The following SPMAP2L variants were observed in gnomAD, a reference collection of about 807,000 sequenced individuals.
The protein encoded by SPMAP2L is sperm microtubule associated protein 2-like.
chr4:56,607,149 CA>C, the SPMAP2L span, among the ~76,000 whole-genome samples: 300 of 152,202 alleles, frequency 2.0e-3, 12 homozygotes, highest in East Asian at 0.047. Context: ...ATCCTCAATG[CA>C]ATAGTATTCA....
At chr4:56,573,035 T>A in the SPMAP2L span, among the ~76,000 whole-genome samples, 1 of 149,100 alleles carries the variant, frequency 6.7e-6, no homozygotes, top group Non-Finnish European at 1.5e-5. Context: ...AAAAAAAAAA[T>A]TTGAGTACCT....
the SPMAP2L span, among the ~76,000 whole-genome samples, chr4:56,618,556 A>AAAAAGAAAAGCCCCTC: frequency 1.8e-4 from 28 of 152,180 alleles, no homozygotes; most frequent in Non-Finnish European, 3.4e-4. Context: ...TGCCAAGCAA[A>AAAAAGAAAAGCCCCTC]AAAAGAAAAG....
At chr4:56,554,670 G>A in the SPMAP2L span, among the ~76,000 whole-genome samples, 5 of 152,132 alleles carry the variant, frequency 3.3e-5, no homozygotes, top group East Asian at 9.7e-4. Context: ...TTTTTATGAA[G>A]TTCAATTTAC....
At chr4:56,601,029 T>C in the SPMAP2L span, 2 of 1,535,444 alleles carry the variant, frequency 1.3e-6, no homozygotes, top group Non-Finnish European at 1.7e-6. Context: ...CTGACCGTGA[T>C]GCCCATTGGC....
At chr4:56,583,683 A>G in the SPMAP2L span, among the ~76,000 whole-genome samples, 5 of 152,206 alleles carry the variant, frequency 3.3e-5, no homozygotes, top group African/African-American at 7.2e-5. Flanking sequence ...CTCAAATCAT[A>G]CTACAGAGGA....
At chr4:56,559,225 C>G in the SPMAP2L span, among the ~76,000 whole-genome samples, 2 of 147,090 alleles carry the variant, frequency 1.4e-5, no homozygotes, top group South Asian at 4.7e-4. Context: ...CACTTGAATC[C>G]GGGAGGCAGA....
the SPMAP2L span, chr4:56,531,251 T>C: frequency 2.8e-6 from 4 of 1,438,520 alleles, no homozygotes; most frequent in South Asian, 1.4e-5. Flanking sequence ...ACGCCCCATC[T>C]AGAACCGGGG....
the SPMAP2L span, among the ~76,000 whole-genome samples, chr4:56,553,301 C>T: frequency 4.0e-3 from 598 of 151,144 alleles, 4 homozygotes; most frequent in African/African-American, 0.014. Flanking sequence ...AGTGATTCCC[C>T]CACCTCAGCC....
At chr4:56,617,675 G>A in the SPMAP2L span, among the ~76,000 whole-genome samples, 1 of 151,880 alleles carries the variant, frequency 6.6e-6, no homozygotes, top group Non-Finnish European at 1.5e-5. Context: ...TAGGCGGCTT[G>A]TGTTAACGAG....
chr4:56,571,198 C>T, the SPMAP2L span, among the ~76,000 whole-genome samples: 1 of 151,646 alleles, frequency 6.6e-6, no homozygotes. Flanking sequence ...ACACATTATA[C>T]AGCTATCCAA....
At chr4:56,545,473 C>G in the SPMAP2L span, among the ~76,000 whole-genome samples, 1 of 152,078 alleles carries the variant, frequency 6.6e-6, no homozygotes, top group East Asian at 1.9e-4. Context: ...GTGACTCATG[C>G]CCAGCACTTT....
the SPMAP2L span, among the ~76,000 whole-genome samples, chr4:56,625,054 G>T: frequency 1.3e-5 from 2 of 152,192 alleles, no homozygotes; most frequent in African/African-American, 2.4e-5. Flanking sequence ...AGCCACAGGG[G>T]TACAGCTGCT....
At chr4:56,546,938 T>C in the SPMAP2L span, among the ~76,000 whole-genome samples, 1 of 152,148 alleles carries the variant, frequency 6.6e-6, no homozygotes, top group Non-Finnish European at 1.5e-5. Context: ...AATTTAAAAG[T>C]TCCATTTACT....
chr4:56,584,737 A>T, the SPMAP2L span: 32 of 681,688 alleles, frequency 4.7e-5, no homozygotes, highest in Non-Finnish European at 1.5e-5. Context: ...AACTTTTCTG[A>T]CTCTTTCTTC....
At chr4:56,555,224 C>T in the SPMAP2L span, among the ~76,000 whole-genome samples, 2 of 152,126 alleles carry the variant, frequency 1.3e-5, no homozygotes, top group Non-Finnish European at 2.9e-5. Flanking sequence ...CAGGCATGAG[C>T]CACCGTGCCT....
the SPMAP2L span, among the ~76,000 whole-genome samples, chr4:56,569,163 A>T: frequency 1.3e-5 from 2 of 152,244 alleles, no homozygotes; most frequent in Non-Finnish European, 2.9e-5. Context: ...CCTCTTGAAT[A>T]TATAGCAGGA....
At chr4:56,535,407 C>T in the SPMAP2L span, among the ~76,000 whole-genome samples, 1 of 152,018 alleles carries the variant, frequency 6.6e-6, no homozygotes, top group Non-Finnish European at 1.5e-5. Context: ...AGATTACATA[C>T]ATTGTATGGA....
the SPMAP2L span, among the ~76,000 whole-genome samples, chr4:56,575,237 AG>A: frequency 6.9e-6 from 1 of 144,396 alleles, no homozygotes; most frequent in East Asian, 2.0e-4. Context: ...CGACAGAGCG[AG>A]ACTCCATCTC....
At chr4:56,536,123 C>T in the SPMAP2L span, among the ~76,000 whole-genome samples, 1 of 152,244 alleles carries the variant, frequency 6.6e-6, no homozygotes, top group East Asian at 1.9e-4. Flanking sequence ...TGCTGTGTAG[C>T]CTGGCTCCTA....
Sources: allele counts gnomAD v4.1 joint callset (sites outside exome capture counted in the v4.1 genomes callset), GRCh38; gene constraint gnomAD v4.1.1; transcripts MANE v1.5; gene names NCBI Gene and HGNC (gene_info 2026-07-23, HGNC 2026-07-21).